Variants in ZNF548 observed in about 807,000 individuals in gnomAD.
The protein encoded by ZNF548 is zinc finger protein 548.
In ZNF548, 10 loss-of-function variants were observed where a neutral mutation model predicts 10.2. The observed-to-expected ratio is 0.98, with a 90% CI of 0.60 to 1.66. ZNF548 has a LOEUF of 1.66. ZNF548 is among the 40% of genes most tolerant of loss of function. ZNF548 has a pLI of 0.00. For missense variants in ZNF548, 599 were observed against 657.0 expected (o/e 0.91, Z 0.97); for synonymous variants, 217 against 223.5 (o/e 0.97, Z 0.26).
chr19:57,392,436 T>A (rs1007350854), intron 1 of ZNF548, among the ~76,000 whole-genome samples: 2 of 152,232 alleles, frequency 1.3e-5, no homozygotes, highest in Non-Finnish European at 2.9e-5. Context: ...TTTAAATCTT[T>A]AATTCATCTT....
At chr19:57,397,212 C>T (rs1422586163) in intron 3 of ZNF548, 38 bp downstream of exon 3, 2 of 1,528,104 alleles carry the variant, frequency 1.3e-6, no homozygotes, top group Admixed American at 2.1e-5. Context: ...CTGGGTTAGG[C>T]TGTGTTACCC....
chr19:57,390,234 C>G, intron 1 of ZNF548, 120 bp downstream of exon 1: 1 of 1,137,072 alleles, frequency 8.8e-7, no homozygotes, highest in South Asian at 1.7e-5. Context: ...GTGTGGGGTC[C>G]CCGTATCAGC....
rs2088669894 is a variant in ZNF548 at position 57,396,920 on chromosome 19, G to A, written c.52-128G>A. 1.2e-5 allele frequency: 17 copies of A among 1,363,160 alleles called. No individual in the cohort carries two copies. The South Asian group carries it at 2.6e-4, about 21-fold the overall frequency. The allele number at this position is 1,363,160 out of a possible 1,614,324, so 84.4% of individuals were successfully genotyped here. On this transcript the variant is annotated intron_variant, in intron 2 of 3. Coordinates refer to ENST00000336128, the MANE Select transcript of ZNF548 (RefSeq NM_001172773.2). ...TGGGCCCAGGGTGGTAGGGGAGATGGAAACACATTTGGCTGTTAGTTTGGC... is the reference window on the plus strand; with the variant it reads ...TGGGCCCAGGGTGGTAGGGGAGATGAAAACACATTTGGCTGTTAGTTTGGC...
In ZNF548 at chr19:57,399,659, T is replaced by A; in HGVS notation, c.1408T>A (p.Phe470Ile). The stretch of plus-strand genomic sequence containing the variant: ...CGAGTGCAGAGAGTGTGGGAAAGCC[T>A]TTAGCCACAAGCATATACTTGTTGA... ...PYECRECGKA[F>I]SHKHILVEHQ... Residue 470 changes from phenylalanine to isoleucine, a missense_variant, in exon 4 of 4, where the codon TTT (phenylalanine) becomes ATT (isoleucine). Transcript: ENST00000336128. The surrounding 1 kb of genome is among the most constrained non-coding windows in gnomAD (Gnocchi z 4.0). 1.2e-6 allele frequency: 2 copies of A among 1,614,116 alleles called. No individual in the cohort carries two copies. Among genetic ancestry groups the A allele is most frequent in the Non-Finnish European group, 1.7e-6 (2 of 1,179,974 alleles).
At chr19:57,397,442 C>T (rs2088675290) in intron 3 of ZNF548, 1 of 437,468 alleles carries the variant, frequency 2.3e-6, no homozygotes, top group Non-Finnish European at 4.0e-6. Flanking sequence ...CCAGCCTTGT[C>T]TGTCCCTGGT....
Position 57,400,763 on chromosome 19 carries a change from A to T in ZNF548, c.*874A>T, listed in dbSNP as rs910834082. On this transcript the variant is annotated 3_prime_UTR_variant, in exon 4 of 4. Transcript: ENST00000336128. ...TTCTATTTTTAATATTTTTGGGAAA[A>T]TTTTTCCATAGTACCTGTGCCATTT... is the stretch of plus-strand genomic sequence containing the variant. 10 of 151,944 alleles carry T rather than the reference A, an allele frequency of 6.6e-5. No homozygotes were observed. Among genetic ancestry groups the T allele is most frequent in the African/African-American group, 2.4e-4 (10 of 41,324 alleles). The allele number at this position is 151,944 out of a possible 1,614,324, so 9.4% of individuals were successfully genotyped here. A position where few individuals can be genotyped will look rare whatever the true frequency, so the allele number is the denominator to read the frequency against.
At position 57,402,359 on chromosome 19, in the gene ZNF548, A is replaced by G. The variant is rs1047493322; in HGVS notation, c.*2470A>G. On this transcript the variant is annotated 3_prime_UTR_variant, in exon 4 of 4. Coordinates refer to ENST00000336128, the MANE Select transcript of ZNF548 (RefSeq NM_001172773.2). ...CTCCAGACTGCTGTATTCCAGCCCA[A>G]ATTACTCAAATTAGCCAATCCATGG... The G allele has an allele frequency of 3.9e-5, 6 of 152,170 alleles. No homozygotes were observed. The highest frequency in any genetic ancestry group is 8.8e-5 in the Non-Finnish European group (6 of 68,038). The allele number at this position is 152,170 out of a possible 1,614,324, so 9.4% of individuals were successfully genotyped here.
intron 1 of ZNF548, among the ~76,000 whole-genome samples, chr19:57,392,534 A>T (rs1360156476): frequency 2.0e-5 from 3 of 152,200 alleles, no homozygotes; most frequent in African/African-American, 7.2e-5. Flanking sequence ...CATTTTATTG[A>T]AAAGTGTGTC....
At position 57,395,012 on chromosome 19, in the gene ZNF548, A is replaced by G. The variant is rs2020178; in HGVS notation, c.51+789A>G. Among the ~76,000 whole-genome samples, 6,969 of 151,304 alleles carry G rather than the reference A, an allele frequency of 0.046. 493 individuals carry two copies. The highest frequency in any genetic ancestry group is 0.16 in the African/African-American group (6,498 of 40,616). ...GCCACAGATGTCTCAGAGACTCCTG[A>G]TGGAGGAGTTCAGGTTGGAGATGTC... On this transcript the variant is annotated intron_variant, in intron 2 of 3. Coordinates refer to ENST00000336128, the MANE Select transcript of ZNF548 (RefSeq NM_001172773.2). This position sits in a 1 kb window ranked among gnomAD's most constrained non-coding sequence, Gnocchi z 4.8.
rs566751484 is a variant in ZNF548 at position 57,399,199 on chromosome 19, C to T, written c.948C>T (p.Thr316=). The T allele has an allele frequency of 6.3e-5, 101 of 1,611,954 alleles. No homozygotes were observed. The Admixed American group carries it at 8.0e-4, about 13-fold the overall frequency. The part of the protein sequence containing the change: ...STFVRHQRVH[T]GERPYECREC... ...TTGTTAGACATCAGAGAGTTCACACCGGAGAAAGGCCGTATGAGTGCAGGG... is the reference window on the plus strand; with the variant it reads ...TTGTTAGACATCAGAGAGTTCACACTGGAGAAAGGCCGTATGAGTGCAGGG... Residue 316 remains threonine (T), a synonymous_variant, in exon 4 of 4, where the codon ACC becomes ACT. Coordinates refer to ENST00000336128, the MANE Select transcript of ZNF548 (RefSeq NM_001172773.2). This position sits in a 1 kb window ranked among gnomAD's most constrained non-coding sequence, Gnocchi z 4.0.
Position 57,395,682 on chromosome 19 carries a change from C to T in ZNF548, c.52-1366C>T, listed in dbSNP as rs756027780. 1.6e-4 allele frequency among the ~76,000 whole-genome samples: 24 copies of T among 152,166 alleles called. No individual in the cohort carries two copies. The highest frequency in any genetic ancestry group is 2.5e-4 in the Non-Finnish European group (17 of 68,022). ...GCCCTCATGATCCAGTCACATCCCA[C>T]CAGGTCCCTCCCCTGACACGTGGGG... On this transcript the variant is annotated intron_variant, in intron 2 of 3. Transcript: ENST00000336128. The surrounding 1 kb of genome is among the most constrained non-coding windows in gnomAD (Gnocchi z 4.8).
chr19:57,394,274 G>A, intron 2 of ZNF548, 51 bp downstream of exon 2: 1 of 1,566,760 alleles, frequency 6.4e-7, no homozygotes, highest in Non-Finnish European at 8.6e-7. Flanking sequence ...CTCCCAGATG[G>A]TTTTGGCAGG....
At position 57,399,919 on chromosome 19, in the gene ZNF548, A is replaced by C. The variant is rs1026186485; in HGVS notation, c.*30A>C. On this transcript the variant is annotated 3_prime_UTR_variant, in exon 4 of 4. Coordinates refer to ENST00000336128, the MANE Select transcript of ZNF548 (RefSeq NM_001172773.2). This position sits in a 1 kb window ranked among gnomAD's most constrained non-coding sequence, Gnocchi z 4.0. ...TGTAATTGGGTAGTAATGTTATATA[A>C]ATTCCACATTTTTATGCAACTAATC... The C allele has an allele frequency of 1.3e-6, 2 of 1,487,860 alleles. No individual in the cohort carries two copies. Among genetic ancestry groups the C allele is most frequent in the African/African-American group, 2.8e-5 (2 of 70,802 alleles). The allele number at this position is 1,487,860 out of a possible 1,614,324, so 92.2% of individuals were successfully genotyped here. A position where few individuals can be genotyped will look rare whatever the true frequency, so the allele number is the denominator to read the frequency against.
Position 57,401,601 on chromosome 19 carries a change from T to C in ZNF548, c.*1712T>C, listed in dbSNP as rs2088717248. 1 of 152,110 alleles carries C rather than the reference T, an allele frequency of 6.6e-6. No homozygotes were observed. The highest frequency in any genetic ancestry group is 6.5e-5 in the Admixed American group (1 of 15,268). The allele number at this position is 152,110 out of a possible 1,614,324, so 9.4% of individuals were successfully genotyped here. A position where few individuals can be genotyped will look rare whatever the true frequency, so the allele number is the denominator to read the frequency against. On this transcript the variant is annotated 3_prime_UTR_variant, in exon 4 of 4. Coordinates refer to ENST00000336128, the MANE Select transcript of ZNF548 (RefSeq NM_001172773.2). The stretch of plus-strand genomic sequence containing the variant: ...GACACCAAGGGATGACTGTAGTGCA[T>C]TTTATCTATTTTTACTTCTGTTACC...
chr19:57,394,161 T>G (rs769788858), intron 1 of ZNF548, 27 bp from the exon 2 acceptor site: 4 of 1,598,504 alleles, frequency 2.5e-6, no homozygotes, highest in Non-Finnish European at 3.4e-6. Context: ...TGGCTGTCAA[T>G]TTCTCACGGC....
chr19:57,398,934 A>G lies in ZNF548; in HGVS notation c.683A>G (p.Gln228Arg), dbSNP rs1226065875. 2.5e-6 allele frequency: 4 copies of G among 1,614,138 alleles called. No individual in the cohort carries two copies. The East Asian group carries it at 6.7e-5, about 27-fold the overall frequency. The change falls in exon 4 of 4, where the codon CAG becomes CGG. Residue 228 changes from glutamine to arginine, a missense_variant. Physicochemically the swap from Gln to Arg is conservative, Grantham distance 43. Transcript: ENST00000336128. ...TGCAGCTATTCATTTGTTGAGCACC[A>G]GAAAATCCACACAGGAGAAAGGTCT... ...FTCSYSFVEH[Q>R]KIHTGERSYE...
intron 1 of ZNF548, among the ~76,000 whole-genome samples, chr19:57,391,156 A>C (rs886765037): frequency 6.6e-6 from 1 of 151,078 alleles, no homozygotes; most frequent in African/African-American, 2.5e-5. Flanking sequence ...GTCATTCCAC[A>C]CTCTTTGTCC....
In ZNF548 at chr19:57,398,762, T is replaced by A; in HGVS notation, c.511T>A (p.Trp171Arg). Residue 171 changes from tryptophan (W) to arginine (R), a missense_variant, in exon 4 of 4, where the codon TGG becomes AGG. Trp to Arg is a moderately radical substitution (Grantham distance 101). Coordinates refer to ENST00000336128, the MANE Select transcript of ZNF548 (RefSeq NM_001172773.2). The part of the protein sequence containing the change: ...AEEIFTCMEG[W>R]KDLPATSCLL... ...GGAGATCTTCACATGCATGGAGGGC[T>A]GGAAGGACTTACCAGCCACCTCATG... The A allele has an allele frequency of 6.2e-7, 1 of 1,614,018 alleles. No individual in the cohort carries two copies. The highest frequency in any genetic ancestry group is 1.1e-5 in the South Asian group (1 of 91,086).
At position 57,389,990 on chromosome 19, in the gene ZNF548, G is replaced by C; in HGVS notation, c.-110G>C. 7.6e-7 allele frequency: 1 copy of C among 1,315,632 alleles called. No homozygotes were observed. The highest frequency in any genetic ancestry group is 2.6e-5 in the East Asian group (1 of 38,250). The allele number at this position is 1,315,632 out of a possible 1,614,324, so 81.5% of individuals were successfully genotyped here. On this transcript the variant is annotated 5_prime_UTR_variant, in exon 1 of 4. Transcript: ENST00000336128. Reference sequence around the variant, plus strand: ...GAGAAGCGGCTCGGTTCCCACCACGGAGAGGCGGGAGTGAGTCAACTGACA... The same window carrying C: ...GAGAAGCGGCTCGGTTCCCACCACGCAGAGGCGGGAGTGAGTCAACTGACA...
Sources: gnomAD v4.1 joint callset for allele counts (sites outside exome capture counted in the v4.1 genomes callset) on GRCh38, gnomAD v4.1.1 for gene constraint, Gnocchi (gnomAD v3.1) non-coding constraint, MANE v1.5 for transcripts, NCBI Gene and HGNC (gene_info 2026-07-23, HGNC 2026-07-21) for gene names.